FAM135B: variants seen among roughly 807,000 people sequenced by gnomAD.
The protein encoded by FAM135B is protein FAM135B.
A neutral mutation model predicts 127.7 loss-of-function variants in FAM135B; 43 were observed. The observed-to-expected ratio is 0.34, with a 90% CI of 0.26 to 0.43. The LOEUF (loss-of-function observed/expected upper bound fraction) is 0.43, where lower values mean the gene tolerates loss of function less well. Ranked by LOEUF, FAM135B falls within the 20% of genes least tolerant of loss-of-function variation. The pLI is 1.00. For synonymous variants in FAM135B, 670 were observed against 665.1 expected (o/e 1.01, Z -0.11); for missense variants, 1,558 against 1,725.6 (o/e 0.90, Z 1.72).
chr8:138,266,049 A>G (rs149720643), intron 3 of FAM135B, among the ~76,000 whole-genome samples: 1 of 152,284 alleles, frequency 6.6e-6, no homozygotes, highest in African/African-American at 2.4e-5. Flanking sequence ...ACCTTGTTCC[A>G]TCCCTTACAA....
intron 13 of FAM135B, among the ~76,000 whole-genome samples, chr8:138,149,889 A>T (rs150878561): frequency 6.6e-6 from 1 of 152,310 alleles, no homozygotes; most frequent in African/African-American, 2.4e-5. Flanking sequence ...AGGTACAATA[A>T]AAGCAAGGGA....
chr8:138,225,055 A>G (rs912823922), intron 7 of FAM135B, among the ~76,000 whole-genome samples: 7 of 152,338 alleles, frequency 4.6e-5, no homozygotes, highest in Admixed American at 3.9e-4. Flanking sequence ...ATGATAATGT[A>G]TATTTCAAAA....
At chr8:138,334,981 T>A (rs903409958) in intron 2 of FAM135B, among the ~76,000 whole-genome samples, 1 of 152,218 alleles carries the variant, frequency 6.6e-6, no homozygotes, top group Non-Finnish European at 1.5e-5. Flanking sequence ...GCATTTATAA[T>A]CCTTATGCAT....
rs141183475 is a variant in FAM135B, at chr8:138,242,093, C to T, written c.669+849G>A. On this transcript the variant is annotated intron_variant, in intron 7 of 19. Coordinates refer to ENST00000395297, the MANE Select transcript of FAM135B (RefSeq NM_015912.4). This position sits in a 1 kb window ranked among gnomAD's most constrained non-coding sequence, Gnocchi z 9.6. The stretch of plus-strand genomic sequence containing the variant: ...ACCACCTGCACTCTTGGGTCTCCAG[C>T]TTGCTGACTGAAGATTTGGGGGCTT... Among the ~76,000 whole-genome samples, 200 of 151,854 alleles carry T rather than the reference C, an allele frequency of 1.3e-3. No homozygotes were observed. In the East Asian group the frequency reaches 0.029, roughly 22 times the overall value.
chr8:138,159,213 A>C (rs1377666675), intron 12 of FAM135B, among the ~76,000 whole-genome samples: 1 of 137,398 alleles, frequency 7.3e-6, no homozygotes, highest in Non-Finnish European at 1.5e-5. Flanking sequence ...CGGAGCTTGC[A>C]GTGAGCCGAG....
chr8:138,185,990 C>T (rs1046773346), intron 9 of FAM135B, among the ~76,000 whole-genome samples: 2 of 152,280 alleles, frequency 1.3e-5, no homozygotes, highest in African/African-American at 4.8e-5. Flanking sequence ...CAAGTACCCA[C>T]GCTGCTTCAG....
intron 3 of FAM135B, among the ~76,000 whole-genome samples, chr8:138,292,350 A>C (rs1210682802): frequency 6.6e-6 from 1 of 152,140 alleles, no homozygotes; most frequent in Non-Finnish European, 1.5e-5. Context: ...CATTTAAAGC[A>C]ACCTATAGAT....
At chr8:138,443,755 T>C (rs185079536) in intron 1 of FAM135B, among the ~76,000 whole-genome samples, 3 of 152,052 alleles carry the variant, frequency 2.0e-5, no homozygotes, top group East Asian at 3.9e-4. Context: ...ACGCAGGTTA[T>C]ATGCCAGCTA....
chr8:138,233,582 G>A (rs1440581953), intron 7 of FAM135B, among the ~76,000 whole-genome samples: 1 of 152,076 alleles, frequency 6.6e-6, no homozygotes, highest in Non-Finnish European at 1.5e-5. Context: ...AACATAAGGG[G>A]AATGCTTCAT....
At chr8:138,176,652 TG>T (rs1814501664) in intron 11 of FAM135B, among the ~76,000 whole-genome samples, 1 of 152,196 alleles carries the variant, frequency 6.6e-6, no homozygotes, top group Non-Finnish European at 1.5e-5. Flanking sequence ...TCTTGAGTGA[TG>T]GATGGGTCTC....
intron 2 of FAM135B, among the ~76,000 whole-genome samples, chr8:138,311,727 G>C (rs971215564): frequency 6.6e-6 from 1 of 152,108 alleles, no homozygotes; most frequent in Non-Finnish European, 1.5e-5. Context: ...CTCATAGCTG[G>C]GCGAGCACCC....
intron 4 of FAM135B, among the ~76,000 whole-genome samples, chr8:138,258,793 GACACACACACCAC>G (rs993230961): frequency 1.9e-5 from 2 of 103,312 alleles, no homozygotes; most frequent in African/African-American, 4.4e-5. Flanking sequence ...CCTTCAAAAA[GACACACACACCAC>G]ACACACACAC....
intron 2 of FAM135B, among the ~76,000 whole-genome samples, chr8:138,341,524 T>C (rs1336599035): frequency 3.6e-4 from 3 of 8,354 alleles, no homozygotes; most frequent in African/African-American, 7.3e-4. Flanking sequence ...CACAACAATG[T>C]GAATGTACTT....
At chr8:138,158,220 A>G (rs1028103998) in intron 12 of FAM135B, among the ~76,000 whole-genome samples, 1 of 152,204 alleles carries the variant, frequency 6.6e-6, no homozygotes, top group Non-Finnish European at 1.5e-5. Context: ...TTTTAAATAA[A>G]TGGTGCTGGG....
intron 2 of FAM135B, among the ~76,000 whole-genome samples, chr8:138,348,829 A>G (rs1306623354): frequency 6.6e-6 from 1 of 152,264 alleles, no homozygotes; most frequent in Non-Finnish European, 1.5e-5. Flanking sequence ...TCATTTAATT[A>G]CTTCTTTTAG....
At chr8:138,479,195 C>T (rs371230717) in intron 1 of FAM135B, among the ~76,000 whole-genome samples, 58 of 152,340 alleles carry the variant, frequency 3.8e-4, no homozygotes, top group African/African-American at 1.4e-3. Context: ...AGCACTTCCA[C>T]GTGTTCACCA....
chr8:138,168,998 T>C (rs1267206554), intron 11 of FAM135B, among the ~76,000 whole-genome samples: 2 of 152,152 alleles, frequency 1.3e-5, no homozygotes, highest in Non-Finnish European at 2.9e-5. Context: ...AAGAGCTTTG[T>C]AGCTGTGAAA....
intron 9 of FAM135B, among the ~76,000 whole-genome samples, chr8:138,178,984 A>G (rs1814747623): frequency 6.6e-6 from 1 of 152,158 alleles, no homozygotes; most frequent in African/African-American, 2.4e-5. Flanking sequence ...TAGTCCCAGT[A>G]TATCTTTTCC....
intron 1 of FAM135B, among the ~76,000 whole-genome samples, chr8:138,372,036 A>C (rs1831160870): frequency 6.6e-6 from 1 of 152,192 alleles, no homozygotes; most frequent in African/African-American, 2.4e-5. Flanking sequence ...GCTCAGGAAG[A>C]GGGGGGACCT....
Sources: allele counts gnomAD v4.1 joint callset (sites outside exome capture counted in the v4.1 genomes callset), GRCh38; gene constraint gnomAD v4.1.1; non-coding constraint Gnocchi (gnomAD v3.1); transcripts MANE v1.5; gene names NCBI Gene and HGNC (gene_info 2026-07-23, HGNC 2026-07-21).